The following FGD3 variants were observed in gnomAD, a reference collection of about 807,000 sequenced individuals.
FGD3 encodes FYVE, RhoGEF and PH domain containing 3.
Under a neutral mutation model 71.8 loss-of-function variants are expected in FGD3, and 45 were observed. That is an observed-to-expected ratio of 0.63 (90% CI 0.49 to 0.80). The LOEUF is 0.80. Ranked by LOEUF, FGD3 falls within the 30% of genes least tolerant of loss-of-function variation. The pLI is 0.00. For missense variants in FGD3, 844 were observed against 951.5 expected (o/e 0.89, Z 1.49); for synonymous variants, 378 against 392.8 (o/e 0.96, Z 0.44).
chr9:92,980,308 C>T (rs77446668), intron 3 of FGD3, among the ~76,000 whole-genome samples: 9,543 of 152,228 alleles, frequency 0.063, 402 homozygotes, highest in East Asian at 0.16. Context: ...GTGTGAGTCA[C>T]CATTCCCAGC....
At chr9:92,950,426 A>C (rs1172918255) in intron 1 of FGD3, among the ~76,000 whole-genome samples, 2 of 152,040 alleles carry the variant, frequency 1.3e-5, no homozygotes, top group South Asian at 2.1e-4. Flanking sequence ...CTCAAAAAAA[A>C]AAAAAAGCAA....
intron 8 of FGD3, 24 bp from the exon 9 acceptor site, chr9:93,013,828 G>A (rs767351964): frequency 4.3e-6 from 7 of 1,611,016 alleles, no homozygotes; most frequent in East Asian, 2.2e-5. Context: ...GACCTTTGGT[G>A]CCTGAGTCCC....
chr9:93,029,741 C>A, intron 14 of FGD3, 133 bp from the exon 15 acceptor site: 1 of 1,218,650 alleles, frequency 8.2e-7, no homozygotes, highest in Non-Finnish European at 1.1e-6. Flanking sequence ...CACTTCATTC[C>A]CTTCTGCATG....
At chr9:93,010,065 T>C (rs1425006968) in intron 6 of FGD3, among the ~76,000 whole-genome samples, 181 bp from the exon 7 acceptor site, 1 of 152,214 alleles carries the variant, frequency 6.6e-6, no homozygotes. Context: ...TTGGTCAGTC[T>C]CTCTGAGCCT....
In FGD3 at chr9:93,005,912, A is replaced by G. The variant is rs574857889; in HGVS notation, c.681-112A>G. 1.1e-4 allele frequency: 132 copies of G among 1,233,346 alleles called. 1 individual carries two copies. In the African/African-American group the frequency reaches 1.7e-3, roughly 16 times the overall value. 76.4% of individuals were successfully genotyped at this position (1,233,346 alleles called of 1,614,324 possible). A position where few individuals can be genotyped will look rare whatever the true frequency, so the allele number is the denominator to read the frequency against. ...AGAGAGGGTGACCAATTTGCTCACC[A>G]TCACACAGAGCTGGCCTCCACCCCA... On this transcript the variant is annotated intron_variant, in intron 5 of 17. Transcript: ENST00000375482.
intron 14 of FGD3, among the ~76,000 whole-genome samples, chr9:93,025,972 T>C (rs1174869103): frequency 2.6e-5 from 4 of 152,182 alleles, no homozygotes; most frequent in Non-Finnish European, 2.9e-5. Context: ...CACCCTCCTG[T>C]TGGAATAGCC....
intron 15 of FGD3, among the ~76,000 whole-genome samples, chr9:93,030,847 T>C (rs1269251276): frequency 2.0e-5 from 3 of 151,408 alleles, no homozygotes; most frequent in Non-Finnish European, 2.9e-5. Context: ...GATGCGTGGA[T>C]GGATGGATGA....
intron 10 of FGD3, among the ~76,000 whole-genome samples, chr9:93,016,945 A>G (rs1487499309): frequency 6.6e-6 from 1 of 152,228 alleles, no homozygotes; most frequent in African/African-American, 2.4e-5. Flanking sequence ...GTAGAGAAAC[A>G]CTAGAAAAGT....
chr9:92,962,106 C>T (rs939829820), intron 1 of FGD3, among the ~76,000 whole-genome samples: 3 of 152,218 alleles, frequency 2.0e-5, no homozygotes, highest in Non-Finnish European at 2.9e-5. Context: ...GGAGGCACCA[C>T]TTCCTCCCAC....
intron 3 of FGD3, among the ~76,000 whole-genome samples, chr9:92,982,736 C>T (rs541578730): frequency 6.6e-6 from 1 of 152,128 alleles, no homozygotes; most frequent in African/African-American, 2.4e-5. Context: ...CAATCTCCAA[C>T]GTTATCAGAA....
At chr9:93,001,066 C>T (rs755640219) in intron 3 of FGD3, among the ~76,000 whole-genome samples, 18 of 152,052 alleles carry the variant, frequency 1.2e-4, no homozygotes, top group Non-Finnish European at 8.8e-5. Context: ...AGTCTGCTGT[C>T]AAACCCCTCT....
Position 93,004,128 on chromosome 9 carries a change from C to T in FGD3, c.671C>T (p.Thr224Met). ...CTGCCGGAGCTGAAGACGCGGATCA[C>T]GGAGGAGTGGTGAGTACCATCTGCG... is the stretch of plus-strand genomic sequence containing the variant. ...FLLPELKTRITEEWDTNPRLG... is the reference protein window; with the variant it reads ...FLLPELKTRIMEEWDTNPRLG... Residue 224 changes from threonine to methionine, a missense_variant, in exon 5 of 18, where the codon ACG (threonine) becomes ATG (methionine). Physicochemically the swap from Thr to Met is moderately conservative, Grantham distance 81. Coordinates refer to ENST00000375482, the MANE Select transcript of FGD3 (RefSeq NM_001083536.2). 1.9e-6 allele frequency: 3 copies of T among 1,613,896 alleles called. No individual in the cohort carries two copies. The highest frequency in any genetic ancestry group is 2.5e-6 in the Non-Finnish European group (3 of 1,180,030).
intron 15 of FGD3, 41 bp from the exon 16 acceptor site, chr9:93,032,728 G>A: frequency 6.3e-7 from 1 of 1,592,204 alleles, no homozygotes; most frequent in South Asian, 1.1e-5. Context: ...ATAATCCTCT[G>A]TCCCAGGGTG....
At chr9:92,983,787 C>T (rs890069099) in intron 3 of FGD3, among the ~76,000 whole-genome samples, 23 of 152,234 alleles carry the variant, frequency 1.5e-4, no homozygotes, top group African/African-American at 5.3e-4. Context: ...CCTTCCACAA[C>T]TTGCTTTAAC....
chr9:92,955,512 C>T (rs1859034959), intron 1 of FGD3, among the ~76,000 whole-genome samples: 2 of 152,174 alleles, frequency 1.3e-5, no homozygotes, highest in African/African-American at 4.8e-5. Flanking sequence ...AGGGATGCCA[C>T]TAGCTAGTTG....
At chr9:92,984,496 T>G (rs1191769244) in intron 3 of FGD3, among the ~76,000 whole-genome samples, 1 of 152,182 alleles carries the variant, frequency 6.6e-6, no homozygotes, top group Non-Finnish European at 1.5e-5. Context: ...GTAGAAGTTA[T>G]CCCCCCTTGA....
chr9:93,006,289 AACATG>A, intron 6 of FGD3, 109 bp downstream of exon 6: 1 of 1,179,636 alleles, frequency 8.5e-7, no homozygotes, highest in East Asian at 3.1e-5. Context: ...TCCAAAAAGT[AACATG>A]ACATTACTAA....
At chr9:92,976,734 G>A (rs560717901) in intron 3 of FGD3, 25 bp downstream of exon 3, 86 of 1,533,828 alleles carry the variant, frequency 5.6e-5, no homozygotes, top group East Asian at 9.1e-5. Context: ...CTCTGTCCCC[G>A]CTGCGGGCTG....
rs984174859 is a variant in FGD3, at chr9:92,981,663, G to A, written c.453+4954G>A. On this transcript the variant is annotated intron_variant, in intron 3 of 17. Transcript: ENST00000375482. ...TAAAGTCTCCTAATATTATTTTGCC[G>A]ATCTCTATTTTTTCCTTCAATTTTG... Among the ~76,000 whole-genome samples, 7 of 152,014 alleles carry A rather than the reference G, an allele frequency of 4.6e-5. No homozygotes were observed. The East Asian group carries it at 7.7e-4, about 17-fold the overall frequency.
Sources: allele counts gnomAD v4.1 joint callset (sites outside exome capture counted in the v4.1 genomes callset), GRCh38; gene constraint gnomAD v4.1.1; transcripts MANE v1.5; gene names NCBI Gene and HGNC (gene_info 2026-07-23, HGNC 2026-07-21).